The following MYO1D variants were observed in gnomAD, a reference collection of about 807,000 sequenced individuals.
MYO1D encodes unconventional myosin-Id.
MYO1D carries 83 observed loss-of-function variants against 122.0 expected under a neutral mutation model. The ratio of observed to expected loss-of-function variants is 0.68; its 90% confidence interval spans 0.57 to 0.82. The LOEUF (loss-of-function observed/expected upper bound fraction) is 0.82. Among genes scored for constraint, MYO1D ranks in the 40% least tolerant of loss-of-function variants. The pLI is 0.00. For missense variants in MYO1D, 1,157 were observed against 1,269.5 expected (o/e 0.91, Z 1.35); for synonymous variants, 464 against 446.9 (o/e 1.04, Z -0.48).
chr17:32,778,656 T>C, intron 2 of MYO1D, 83 bp from the exon 3 acceptor site: 1 of 1,179,786 alleles, frequency 8.5e-7, no homozygotes, highest in Non-Finnish European at 1.2e-6. Flanking sequence ...TTTAAAAATC[T>C]GATACTGGTG....
At chr17:32,773,845 G>A (rs1182192135) in intron 4 of MYO1D, among the ~76,000 whole-genome samples, 1 of 152,092 alleles carries the variant, frequency 6.6e-6, no homozygotes, top group Non-Finnish European at 1.5e-5. Flanking sequence ...GATGCCTGAC[G>A]TCCAGGCATT....
At chr17:32,816,849 T>G (rs184449720) in intron 1 of MYO1D, among the ~76,000 whole-genome samples, 34 of 152,350 alleles carry the variant, frequency 2.2e-4, no homozygotes, top group Non-Finnish European at 3.8e-4. Context: ...GGATTTAGTC[T>G]TTCTTCCAAT....
chr17:32,603,762 T>C (rs1174152462), intron 21 of MYO1D, among the ~76,000 whole-genome samples: 1 of 152,104 alleles, frequency 6.6e-6, no homozygotes, highest in African/African-American at 2.4e-5. Context: ...GCTGACCTCG[T>C]GATCCGCCCG....
chr17:32,711,363 C>T (rs1448722078), intron 16 of MYO1D, among the ~76,000 whole-genome samples: 2 of 152,078 alleles, frequency 1.3e-5, no homozygotes, highest in Non-Finnish European at 1.5e-5. Context: ...AAGTCCTTTA[C>T]GCAGCCGGGC....
At chr17:32,662,318 A>C (rs1401503746) in intron 16 of MYO1D, among the ~76,000 whole-genome samples, 4 of 152,222 alleles carry the variant, frequency 2.6e-5, no homozygotes, top group Middle Eastern at 3.2e-3. Context: ...TTATAAAAGC[A>C]GAGTAGTTGA....
chr17:32,735,374 G>A (rs1366719169), intron 14 of MYO1D, among the ~76,000 whole-genome samples: 3 of 151,948 alleles, frequency 2.0e-5, no homozygotes, highest in African/African-American at 7.3e-5. Context: ...TTAGAGACAG[G>A]GTTTCACTAT....
At chr17:32,540,449 A>G (rs1347873941) in intron 21 of MYO1D, among the ~76,000 whole-genome samples, 1 of 152,146 alleles carries the variant, frequency 6.6e-6, no homozygotes, top group African/African-American at 2.4e-5. Context: ...TTAGAACTCA[A>G]TAATAAAAAG....
chr17:32,707,713 C>T (rs1253533987), intron 16 of MYO1D, among the ~76,000 whole-genome samples: 1 of 152,234 alleles, frequency 6.6e-6, no homozygotes, highest in Admixed American at 6.5e-5. Flanking sequence ...GATTGGTTTA[C>T]TGTGTTTAAA....
intron 21 of MYO1D, among the ~76,000 whole-genome samples, chr17:32,511,514 C>T (rs1441249771): frequency 1.3e-5 from 2 of 150,522 alleles, no homozygotes; most frequent in Non-Finnish European, 1.5e-5. Flanking sequence ...GCTCCCCCCG[C>T]GAACTTCTCA....
chr17:32,542,255 C>T (rs571482358), intron 21 of MYO1D, among the ~76,000 whole-genome samples: 10 of 152,116 alleles, frequency 6.6e-5, no homozygotes, highest in African/African-American at 2.4e-4. Flanking sequence ...GCAGTTATAA[C>T]AAAAAAAGAA....
chr17:32,688,420 T>C (rs1334952471), intron 16 of MYO1D, among the ~76,000 whole-genome samples: 1 of 152,216 alleles, frequency 6.6e-6, no homozygotes, highest in Non-Finnish European at 1.5e-5. Context: ...ACATTGTTCC[T>C]GCTTCCCTTT....
chr17:32,567,535 A>G (rs2087184866), intron 21 of MYO1D, among the ~76,000 whole-genome samples: 1 of 152,220 alleles, frequency 6.6e-6, no homozygotes, highest in African/African-American at 2.4e-5. Flanking sequence ...TCTCTTGTCT[A>G]GTAAGTAGCA....
chr17:32,560,212 A>T (rs1274378387), intron 21 of MYO1D, among the ~76,000 whole-genome samples: 1 of 152,034 alleles, frequency 6.6e-6, no homozygotes, highest in Non-Finnish European at 1.5e-5. Flanking sequence ...CCGAGATTGC[A>T]CCACTGCACT....
At chr17:32,625,782 C>T (rs1426200648) in intron 20 of MYO1D, among the ~76,000 whole-genome samples, 4 of 152,152 alleles carry the variant, frequency 2.6e-5, no homozygotes, top group Non-Finnish European at 5.9e-5. Context: ...CTGCCTGCTT[C>T]AGCTTCCCAA....
chr17:32,554,186 T>TCCCTGTCCCTGC, intron 21 of MYO1D, among the ~76,000 whole-genome samples: 1 of 151,960 alleles, frequency 6.6e-6, no homozygotes, highest in South Asian at 2.1e-4. Flanking sequence ...GAGCTGAGAG[T>TCCCTGTCCCTGC]CCCTGCCCCT....
intron 1 of MYO1D, among the ~76,000 whole-genome samples, chr17:32,864,856 A>G (rs917448317): frequency 6.6e-6 from 1 of 152,232 alleles, no homozygotes; most frequent in African/African-American, 2.4e-5. Flanking sequence ...GCCTTGGGAG[A>G]TAAGACTTTG....
chr17:32,530,776 G>A (rs1442002901), intron 21 of MYO1D, among the ~76,000 whole-genome samples: 2 of 152,062 alleles, frequency 1.3e-5, no homozygotes. Context: ...ACCCCAGCCT[G>A]GGCAACAGAG....
intron 1 of MYO1D, among the ~76,000 whole-genome samples, chr17:32,806,015 T>C (rs897340635): frequency 6.6e-6 from 1 of 152,304 alleles, no homozygotes; most frequent in East Asian, 1.9e-4. Flanking sequence ...TCCCAGCACT[T>C]TGGGAGGCCA....
chr17:32,583,071 T>C (rs1241142413), intron 21 of MYO1D, among the ~76,000 whole-genome samples: 9 of 152,346 alleles, frequency 5.9e-5, no homozygotes, highest in African/African-American at 2.2e-4. Context: ...CTGTGAGTCT[T>C]CTGGGAATAA....
Sources: allele counts gnomAD v4.1 joint callset (sites outside exome capture counted in the v4.1 genomes callset), GRCh38; gene constraint gnomAD v4.1.1; transcripts MANE v1.5; gene names NCBI Gene and HGNC (gene_info 2026-07-23, HGNC 2026-07-21).